Variants in KLF12 observed in about 807,000 individuals in gnomAD.
The protein encoded by KLF12 is KLF transcription factor 12.
A neutral mutation model predicts 37.8 loss-of-function variants in KLF12; 9 were observed. The observed-to-expected ratio is 0.24, with a 90% CI of 0.14 to 0.42. The LOEUF (loss-of-function observed/expected upper bound fraction) is 0.42, where lower values mean the gene tolerates loss of function less well. Ranked by LOEUF, KLF12 falls within the 10% of genes least tolerant of loss-of-function variation. The probability of loss-of-function intolerance (pLI) is 1.00; values close to 1 mark genes in which losing one functional copy is unlikely to be tolerated. For missense variants in KLF12, 411 were observed against 516.0 expected (o/e 0.80, Z 1.97); for synonymous variants, 208 against 202.1 (o/e 1.03, Z -0.25).
chr13:73,926,983 G>A (rs1003212180), intron 3 of KLF12, among the ~76,000 whole-genome samples: 2 of 145,326 alleles, frequency 1.4e-5, no homozygotes, highest in South Asian at 2.2e-4. Flanking sequence ...TCTTCCCAAA[G>A]TGTTAACATG....
At chr13:74,028,077 A>G (rs1893023779) in intron 1 of KLF12, among the ~76,000 whole-genome samples, 1 of 152,190 alleles carries the variant, frequency 6.6e-6, no homozygotes, top group African/African-American at 2.4e-5. Context: ...AACCTTATTT[A>G]TAGGTTGCCT....
chr13:74,124,496 C>T (rs766875412), intron 1 of KLF12, among the ~76,000 whole-genome samples: 7 of 151,964 alleles, frequency 4.6e-5, no homozygotes, highest in Non-Finnish European at 1.0e-4. Context: ...GTTAAAATTC[C>T]GATCATTTAA....
chr13:74,118,044 A>T (rs1456974082), intron 1 of KLF12, among the ~76,000 whole-genome samples: 1 of 151,872 alleles, frequency 6.6e-6, no homozygotes, highest in Non-Finnish European at 1.5e-5. Context: ...CGCCATGGTA[A>T]TTCTACTAAG....
At chr13:74,152,889 A>ATAG in the KLF12 span, among the ~76,000 whole-genome samples, 24 of 2,054 alleles carry the variant, frequency 0.012, no homozygotes, top group African/African-American at 0.015. Context: ...ATTACAGATA[A>ATAG]TAATAATAAT....
chr13:74,261,001 G>C, the KLF12 span, among the ~76,000 whole-genome samples: 1 of 152,152 alleles, frequency 6.6e-6, no homozygotes, highest in Admixed American at 6.5e-5. Flanking sequence ...AAGAGTGTGA[G>C]GGGGGTGAGG....
rs967206467 is a variant in KLF12, at chr13:73,719,607, C to CT, written c.870-4083dup. Among the ~76,000 whole-genome samples the CT allele has an allele frequency of 3.8e-3, 543 of 143,552 alleles. 6 individuals carry two copies. The highest frequency in any genetic ancestry group is 0.013 in the African/African-American group (501 of 39,462). 94.2% of individuals were successfully genotyped at this position (143,552 alleles called of 152,430 possible). ...CTCCTACGCCCATTTCCCCGAGTTGCTTTTTTTTTTTGAGATAGGGTCTTG... is the reference window on the plus strand; with the variant it reads ...CTCCTACGCCCATTTCCCCGAGTTGCTTTTTTTTTTTTGAGATAGGGTCTTG... On this transcript the variant is annotated intron_variant, in intron 6 of 7. Transcript: ENST00000377669.
At chr13:73,735,642 T>C (rs542037414) in intron 6 of KLF12, among the ~76,000 whole-genome samples, 45 of 152,288 alleles carry the variant, frequency 3.0e-4, no homozygotes, top group Non-Finnish European at 5.7e-4. Flanking sequence ...TAAAGTGATC[T>C]ACTTGGAATT....
chr13:74,174,415 T>C, the KLF12 span, among the ~76,000 whole-genome samples: 1 of 151,438 alleles, frequency 6.6e-6, no homozygotes, highest in Admixed American at 6.6e-5. Context: ...CTAATTTTTG[T>C]ATTTTTAGTA....
At chr13:74,145,471 C>T in the KLF12 span, among the ~76,000 whole-genome samples, 3 of 152,094 alleles carry the variant, frequency 2.0e-5, no homozygotes, top group Non-Finnish European at 2.9e-5. Flanking sequence ...ACTGGGCAGC[C>T]GCTGAGATAA....
intron 6 of KLF12, among the ~76,000 whole-genome samples, chr13:73,724,610 C>G (rs909124419): frequency 1.3e-4 from 16 of 120,636 alleles, no homozygotes; most frequent in African/African-American, 5.7e-4. Context: ...AATATTTTAC[C>G]CGCTTTTGAT....
chr13:73,748,231 A>G lies in KLF12; in HGVS notation c.869+16707T>C, dbSNP rs1878504504. ...CACACAGAAGACAAAGTCGGACTGA[A>G]GTGATGTTTAAGTTTTAAGGGAGCT... On this transcript the variant is annotated intron_variant, in intron 6 of 7. Coordinates refer to ENST00000377669, the MANE Select transcript of KLF12 (RefSeq NM_007249.5). Among the ~76,000 whole-genome samples the G allele has an allele frequency of 2.0e-5, 3 of 152,206 alleles. No individual in the cohort carries two copies. The South Asian group carries it at 6.2e-4, about 32-fold the overall frequency.
the KLF12 span, among the ~76,000 whole-genome samples, chr13:74,230,545 C>G: frequency 6.6e-6 from 1 of 152,310 alleles, no homozygotes; most frequent in African/African-American, 2.4e-5. Context: ...GACTCTGCTA[C>G]TCCACTCCAA....
At chr13:73,706,496 C>T (rs1214732601) in intron 7 of KLF12, among the ~76,000 whole-genome samples, 7 of 152,196 alleles carry the variant, frequency 4.6e-5, no homozygotes, top group Non-Finnish European at 8.8e-5. Context: ...GCATGTGTGT[C>T]TAAACAGTAA....
At chr13:74,174,460 T>C in the KLF12 span, among the ~76,000 whole-genome samples, 44 of 151,962 alleles carry the variant, frequency 2.9e-4, no homozygotes, top group Non-Finnish European at 5.4e-4. Context: ...CAGGATGGTC[T>C]CCATCTCCGA....
chr13:74,072,335 C>T, intron 1 of KLF12, among the ~76,000 whole-genome samples: 1 of 118,900 alleles, frequency 8.4e-6, no homozygotes, highest in South Asian at 2.9e-4. Context: ...CTACTATTTC[C>T]AAGATCTTTT....
chr13:73,864,605 T>G (rs1886085838), intron 3 of KLF12, among the ~76,000 whole-genome samples: 1 of 152,136 alleles, frequency 6.6e-6, no homozygotes, highest in African/African-American at 2.4e-5. Context: ...GAAAATATTA[T>G]TGACTATAAA....
chr13:74,002,693 C>T (rs753616320), intron 1 of KLF12, among the ~76,000 whole-genome samples: 15 of 152,162 alleles, frequency 9.9e-5, no homozygotes, highest in South Asian at 2.1e-4. Context: ...GAATCAAAAA[C>T]GACTCCTTTA....
At chr13:73,735,994 T>A (rs923411989) in intron 6 of KLF12, among the ~76,000 whole-genome samples, 23 of 152,096 alleles carry the variant, frequency 1.5e-4, no homozygotes, top group African/African-American at 5.6e-4. Context: ...TACCATGTTT[T>A]AATAATAACC....
At chr13:74,078,787 G>A (rs1195515517) in intron 1 of KLF12, among the ~76,000 whole-genome samples, 1 of 152,014 alleles carries the variant, frequency 6.6e-6, no homozygotes, top group Non-Finnish European at 1.5e-5. Flanking sequence ...TTATAGCCTG[G>A]GAATTATAGG....
Sources: gnomAD v4.1 joint callset for allele counts (sites outside exome capture counted in the v4.1 genomes callset) on GRCh38, gnomAD v4.1.1 for gene constraint, MANE v1.5 for transcripts, NCBI Gene and HGNC (gene_info 2026-07-23, HGNC 2026-07-21) for gene names.